PLPP1: variants seen among roughly 807,000 people sequenced by gnomAD.
PLPP1 encodes the protein lipid phosphate phosphohydrolase 1a.
In PLPP1, 24 loss-of-function variants were observed where a neutral mutation model predicts 31.2. The ratio of observed to expected loss-of-function variants is 0.77; its 90% confidence interval spans 0.56 to 1.08. The LOEUF (loss-of-function observed/expected upper bound fraction) is 1.08, where lower values mean the gene tolerates loss of function less well. Ranked by LOEUF, PLPP1 falls within the 50% of genes least tolerant of loss-of-function variation. The pLI, the probability that PLPP1 is intolerant of heterozygous loss-of-function variation, is 0.00. For missense variants in PLPP1, 319 were observed against 342.7 expected, an observed-to-expected ratio of 0.93 and a Z score of 0.55; for synonymous variants, 146 against 126.3, an observed-to-expected ratio of 1.16 and a Z score of -1.05.
chr5:55,466,783 A>G (rs1752306679), intron 3 of PLPP1, among the ~76,000 whole-genome samples: 1 of 147,912 alleles, frequency 6.8e-6, no homozygotes, highest in African/African-American at 2.5e-5. Context: ...ACCAACAAAG[A>G]CAATGAAGTA....
At chr5:55,495,776 G>T (rs1303235975) in intron 1 of PLPP1, among the ~76,000 whole-genome samples, 1 of 151,990 alleles carries the variant, frequency 6.6e-6, no homozygotes, top group Non-Finnish European at 1.5e-5. Flanking sequence ...TCCCTCCAGA[G>T]TAAACAGGTA....
intron 1 of PLPP1, chr5:55,530,753 T>C (rs985996126): frequency 1.2e-5 from 19 of 1,567,800 alleles, no homozygotes; most frequent in South Asian, 7.8e-5. Flanking sequence ...CTTTCCCTCA[T>C]TGCAGTCAGG....
intron 1 of PLPP1, among the ~76,000 whole-genome samples, chr5:55,519,692 G>A (rs1292697635): frequency 1.3e-5 from 2 of 151,722 alleles, no homozygotes; most frequent in South Asian, 2.1e-4. Context: ...GGCGGTTGCA[G>A]TGAGCCAAGA....
intron 1 of PLPP1, among the ~76,000 whole-genome samples, chr5:55,502,487 A>G (rs1229798221): frequency 8.4e-6 from 1 of 119,690 alleles, no homozygotes; most frequent in Admixed American, 8.1e-5. Context: ...ACTCCGTCTC[A>G]AAAAAAAAAA....
At chr5:55,456,962 C>T (rs1405566636) in intron 3 of PLPP1, among the ~76,000 whole-genome samples, 1 of 152,012 alleles carries the variant, frequency 6.6e-6, no homozygotes, top group Non-Finnish European at 1.5e-5. Flanking sequence ...GAGTTTGAGA[C>T]CAGCCTGGCC....
At chr5:55,495,754 G>C (rs1389293462) in intron 1 of PLPP1, among the ~76,000 whole-genome samples, 1 of 151,472 alleles carries the variant, frequency 6.6e-6, no homozygotes, top group Non-Finnish European at 1.5e-5. Context: ...CACACACACA[G>C]AGGAATGTCC....
intron 1 of PLPP1, among the ~76,000 whole-genome samples, chr5:55,493,314 CAAA>C (rs572344012): frequency 8.7e-5 from 9 of 103,828 alleles, no homozygotes; most frequent in Admixed American, 2.0e-4. Context: ...GACCCTGTCT[CAAA>C]AAAAAAAAAA....
chr5:55,443,192 A>AATATATATATATATATAT (rs1159178740), intron 3 of PLPP1, among the ~76,000 whole-genome samples: 23 of 25,412 alleles, frequency 9.1e-4, no homozygotes, highest in South Asian at 2.5e-3. Context: ...AAAAAAAAAA[A>AATATATATATATATATAT]ATATATATAT....
rs1001553559 is a variant in PLPP1, at chr5:55,504,297, G to A, written c.59-28847C>T. 5.9e-5 allele frequency among the ~76,000 whole-genome samples: 9 copies of A among 151,326 alleles called. No homozygotes were observed. In the East Asian group the frequency reaches 9.8e-4, roughly 16 times the overall value. On this transcript the variant is annotated intron_variant, in intron 1 of 5. Coordinates refer to ENST00000307259, the MANE Select transcript of PLPP1 (RefSeq NM_003711.4). ...AGAGAATTGCTTGAACCCAGGAGGC[G>A]GAGGTTGCAGTGAGCAGACAGTGTC... is the stretch of plus-strand genomic sequence containing the variant.
At chr5:55,438,036 G>C (rs1751533387) in intron 4 of PLPP1, among the ~76,000 whole-genome samples, 1 of 152,206 alleles carries the variant, frequency 6.6e-6, no homozygotes, top group Non-Finnish European at 1.5e-5. Flanking sequence ...GAGGCATTTT[G>C]TGGCAGGAGG....
At chr5:55,480,931 G>A (rs147166353) in intron 1 of PLPP1, among the ~76,000 whole-genome samples, 87 of 152,246 alleles carry the variant, frequency 5.7e-4, no homozygotes, top group South Asian at 3.9e-3. Context: ...TCACTAGTCA[G>A]CCCATGACTC....
At chr5:55,445,912 G>A (rs1299280018) in intron 3 of PLPP1, among the ~76,000 whole-genome samples, 1 of 151,826 alleles carries the variant, frequency 6.6e-6, no homozygotes, top group Non-Finnish European at 1.5e-5. Context: ...TTTTCTCATC[G>A]CTTTGAGGCT....
chr5:55,495,497 G>A lies in PLPP1; in HGVS notation c.59-20047C>T, dbSNP rs1214773407. ...TGTGATACAAAAACCAAAGCTCAGA[G>A]TATCTAGTACATGGCAAATCTAATA... On this transcript the variant is annotated intron_variant, in intron 1 of 5. Transcript: ENST00000307259. Among the ~76,000 whole-genome samples the A allele has an allele frequency of 2.0e-5, 3 of 152,128 alleles. No individual in the cohort carries two copies. The East Asian group carries it at 5.8e-4, about 29-fold the overall frequency.
intron 3 of PLPP1, among the ~76,000 whole-genome samples, chr5:55,458,698 T>TC (rs1415433988): frequency 6.6e-6 from 1 of 151,414 alleles, no homozygotes; most frequent in Non-Finnish European, 1.5e-5. Flanking sequence ...GACCACACTG[T>TC]CCAACATGGT....
In PLPP1 at chr5:55,516,374, CT is replaced by C. The variant is rs201688471; in HGVS notation, c.58+18197del. Among the ~76,000 whole-genome samples, 605 of 152,036 alleles carry C rather than the reference CT, an allele frequency of 4.0e-3. 4 individuals are homozygous for C. The highest frequency in any genetic ancestry group is 0.014 in the African/African-American group (568 of 41,484). On this transcript the variant is annotated intron_variant, in intron 1 of 5. Coordinates refer to ENST00000307259, the MANE Select transcript of PLPP1 (RefSeq NM_003711.4). ...CATTTTTAAAAGCTACCTCATCCTC[CT>C]TTTTTTTAGACCCCTTATTATAAAC...
chr5:55,448,447 AC>A (rs899931389), intron 3 of PLPP1, among the ~76,000 whole-genome samples: 7 of 88,094 alleles, frequency 7.9e-5, no homozygotes, highest in Non-Finnish European at 1.6e-4. Context: ...AGATTCTAGC[AC>A]CTTTTTTTTT....
chr5:55,425,546 ATTTTGCCAATACT>A, intron 5 of PLPP1: 2 of 489,344 alleles, frequency 4.1e-6, no homozygotes, highest in Non-Finnish European at 6.9e-6. Flanking sequence ...AAATAGCTTC[ATTTTGCCAATACT>A]GAATAAAAGA....
At chr5:55,530,835 G>T (rs991878827) in intron 1 of PLPP1, 1 of 1,252,360 alleles carries the variant, frequency 8.0e-7, no homozygotes, top group East Asian at 2.4e-5. Context: ...CCTGACAGAC[G>T]GGGCAGTAGG....
At chr5:55,480,309 C>T (rs942545388) in intron 1 of PLPP1, among the ~76,000 whole-genome samples, 3 of 151,524 alleles carry the variant, frequency 2.0e-5, no homozygotes, top group African/African-American at 7.3e-5. Context: ...AATTTACATA[C>T]CATAACATTC....
Sources: gnomAD v4.1 joint callset for allele counts (sites outside exome capture counted in the v4.1 genomes callset) on GRCh38, gnomAD v4.1.1 for gene constraint, MANE v1.5 for transcripts, NCBI Gene and HGNC (gene_info 2026-07-23, HGNC 2026-07-21) for gene names.